DPYD: variants seen among roughly 807,000 people sequenced by gnomAD.
DPYD encodes dihydropyrimidine dehydrogenase.
A neutral mutation model predicts 116.2 loss-of-function variants in DPYD; 109 were observed. The observed-to-expected ratio is 0.94, with a 90% CI of 0.80 to 1.10. DPYD has a LOEUF of 1.10. DPYD is among the 50% of genes least tolerant of loss of function. The pLI is 0.00. For missense variants in DPYD, 1,302 were observed against 1,254.5 expected (o/e 1.04, Z -0.57); for synonymous variants, 440 against 432.0 (o/e 1.02, Z -0.23).
In DPYD at chr1:97,921,030, A is replaced by C. The variant is rs886046581; in HGVS notation, c.-108T>G. On this transcript the variant is annotated 5_prime_UTR_variant, in exon 1 of 23. Transcript: ENST00000370192. ...GCCGGAGCGCGAGTCGAAAACAGGC[A>C]GACTAGGGCCGGCGGCGCGGGGGCG... 141 of 1,402,584 alleles carry C rather than the reference A, an allele frequency of 1.0e-4. No individual in the cohort carries two copies. The highest frequency in any genetic ancestry group is 3.9e-4 in the Admixed American group (19 of 48,916). 86.9% of individuals were successfully genotyped at this position (1,402,584 alleles called of 1,614,324 possible).
At chr1:97,408,397 C>CT in intron 14 of DPYD, among the ~76,000 whole-genome samples, 1 of 152,118 alleles carries the variant, frequency 6.6e-6, no homozygotes, top group East Asian at 1.9e-4. Flanking sequence ...ATTTTATTTC[C>CT]TTTTTTCCTT....
chr1:97,287,903 G>C (rs937230277), intron 18 of DPYD, among the ~76,000 whole-genome samples: 1 of 151,998 alleles, frequency 6.6e-6, no homozygotes, highest in Non-Finnish European at 1.5e-5. Context: ...ATTAGATAAA[G>C]AGTCAAGTCC....
chr1:97,326,016 A>G (rs1668690361), intron 16 of DPYD, among the ~76,000 whole-genome samples: 2 of 151,636 alleles, frequency 1.3e-5, no homozygotes, highest in Admixed American at 6.6e-5. Flanking sequence ...ATATATGTCT[A>G]TGGGGTGAGA....
intron 20 of DPYD, among the ~76,000 whole-genome samples, chr1:97,123,534 A>G (rs1652605643): frequency 1.3e-5 from 2 of 152,146 alleles, no homozygotes; most frequent in African/African-American, 4.8e-5. Context: ...AAAAATATAT[A>G]TGCTCCTTGG....
intron 8 of DPYD, among the ~76,000 whole-genome samples, chr1:97,619,671 C>T (rs985887058): frequency 4.6e-5 from 7 of 152,128 alleles, no homozygotes; most frequent in Admixed American, 4.6e-4. Flanking sequence ...CTTCTTATAA[C>T]TTTGAAAAAT....
intron 19 of DPYD, among the ~76,000 whole-genome samples, chr1:97,214,988 G>C (rs993616436): frequency 7.9e-5 from 12 of 152,178 alleles, no homozygotes; most frequent in Non-Finnish European, 1.0e-4. Flanking sequence ...AGCTAGAATA[G>C]AGGGCTGTAC....
intron 2 of DPYD, among the ~76,000 whole-genome samples, chr1:97,852,720 C>A (rs919877676): frequency 6.6e-6 from 1 of 152,112 alleles, no homozygotes; most frequent in Non-Finnish European, 1.5e-5. Flanking sequence ...AGATTTTCTT[C>A]TTCAAGGATG....
In DPYD at chr1:97,228,340, G is replaced by A. The variant is rs536227114; in HGVS notation, c.2442+6512C>T. 5.9e-5 allele frequency among the ~76,000 whole-genome samples: 9 copies of A among 152,118 alleles called. No homozygotes were observed. In the South Asian group the frequency reaches 1.9e-3, roughly 32 times the overall value. On this transcript the variant is annotated intron_variant, in intron 19 of 22. Transcript: ENST00000370192. Reference sequence around the variant, plus strand: ...AAAATTAGCTTTCCATTCTTGAAATGTCATTACTCTTCTTAATGTCAGTCA... The same window carrying A: ...AAAATTAGCTTTCCATTCTTGAAATATCATTACTCTTCTTAATGTCAGTCA...
intron 8 of DPYD, among the ~76,000 whole-genome samples, chr1:97,607,301 G>A (rs1039250811): frequency 2.6e-5 from 4 of 151,840 alleles, no homozygotes; most frequent in Non-Finnish European, 4.4e-5. Context: ...TAGCCTATAC[G>A]TCCTTCTCTC....
chr1:97,507,710 T>C (rs1647450374), intron 13 of DPYD, among the ~76,000 whole-genome samples: 1 of 152,014 alleles, frequency 6.6e-6, no homozygotes, highest in South Asian at 2.1e-4. Context: ...ACAATGTTAT[T>C]CCTCAGTTCT....
chr1:97,641,491 C>A (rs1470644873), intron 8 of DPYD, among the ~76,000 whole-genome samples: 4 of 152,096 alleles, frequency 2.6e-5, no homozygotes, highest in Non-Finnish European at 5.9e-5. Context: ...GAACCAATGA[C>A]AAAAAGCCAC....
chr1:97,869,867 AAGG>A (rs1290602826), intron 2 of DPYD, among the ~76,000 whole-genome samples: 12 of 151,884 alleles, frequency 7.9e-5, no homozygotes, highest in Admixed American at 2.0e-4. Context: ...CTTTCATGTG[AAGG>A]TCTTGTGCAC....
chr1:97,227,587 C>T (rs1294518254), intron 19 of DPYD, among the ~76,000 whole-genome samples: 2 of 150,088 alleles, frequency 1.3e-5, no homozygotes, highest in African/African-American at 2.5e-5. Flanking sequence ...ATGCCCTTTA[C>T]TGATCAATTA....
chr1:97,539,016 CAGA>C (rs1273066595), intron 12 of DPYD, among the ~76,000 whole-genome samples: 2 of 152,022 alleles, frequency 1.3e-5, no homozygotes, highest in Non-Finnish European at 2.9e-5. Flanking sequence ...CTGAAGAAAA[CAGA>C]AGAATAGTAT....
At chr1:97,625,268 A>T (rs983539248) in intron 8 of DPYD, among the ~76,000 whole-genome samples, 4 of 152,048 alleles carry the variant, frequency 2.6e-5, no homozygotes, top group African/African-American at 9.7e-5. Context: ...TTTATAAATC[A>T]AGAAAAGAAC....
intron 21 of DPYD, among the ~76,000 whole-genome samples, chr1:97,087,335 AGTACT>A (rs1381944116): frequency 6.6e-6 from 1 of 152,208 alleles, no homozygotes; most frequent in Non-Finnish European, 1.5e-5. Flanking sequence ...GGCAGACAGG[AGTACT>A]GTACAGTAAG....
At chr1:97,464,408 C>T (rs1022049972) in intron 13 of DPYD, among the ~76,000 whole-genome samples, 58 of 152,116 alleles carry the variant, frequency 3.8e-4, no homozygotes, top group African/African-American at 1.4e-3. Context: ...ATCCCAAAGA[C>T]AACTGAAAAA....
At chr1:97,884,957 G>T (rs536879052) in intron 1 of DPYD, among the ~76,000 whole-genome samples, 1 of 151,524 alleles carries the variant, frequency 6.6e-6, no homozygotes, top group South Asian at 2.1e-4. Context: ...TGCAAAATAG[G>T]GCAACACCTG....
Position 97,515,740 on chromosome 1 carries a change from A to C in DPYD, c.1726T>G (p.Phe576Val), listed in dbSNP as rs747627716. 6.2e-7 allele frequency: 1 copy of C among 1,612,626 alleles called. No individual in the cohort carries two copies. Among genetic ancestry groups the C allele is most frequent in the Admixed American group, 1.7e-5 (1 of 59,820 alleles). ...AGWGFALTKT[F>V]SLDKDIVTNV... The stretch of plus-strand genomic sequence containing the variant: ...TATTTTCTTACCTTATCAAGAGAGA[A>C]AGTTTTGGTGAGGGCAAAACCCCAT... The change falls in exon 13 of 23, where the codon TTC becomes GTC. Residue 576 changes from phenylalanine (F) to valine (V), a missense_variant. Physicochemically the swap from Phe to Val is conservative, Grantham distance 50 (BLOSUM62 -1). Coordinates refer to ENST00000370192, the MANE Select transcript of DPYD (RefSeq NM_000110.4).
Sources: gnomAD v4.1 joint callset for allele counts (sites outside exome capture counted in the v4.1 genomes callset) on GRCh38, gnomAD v4.1.1 for gene constraint, MANE v1.5 for transcripts, NCBI Gene and HGNC (gene_info 2026-07-23, HGNC 2026-07-21) for gene names.